Variants in TTC17 observed in about 807,000 individuals in gnomAD.
TTC17 encodes tetratricopeptide repeat protein 17.
TTC17 carries 58 observed loss-of-function variants against 143.8 expected under a neutral mutation model. The observed-to-expected ratio is 0.40, with a 90% confidence interval of 0.33 to 0.50. The LOEUF is 0.50. Ranked by LOEUF, TTC17 falls within the 20% of genes least tolerant of loss-of-function variation. TTC17 has a pLI of 0.49. For synonymous variants in TTC17, 501 were observed against 497.8 expected (o/e 1.01, Z -0.09); for missense variants, 1,273 against 1,392.5 (o/e 0.91, Z 1.37).
intron 18 of TTC17, among the ~76,000 whole-genome samples, chr11:43,444,798 GCAAT>G (rs1947504840): frequency 6.6e-6 from 1 of 151,140 alleles, no homozygotes; most frequent in Admixed American, 6.6e-5. Flanking sequence ...AACCTCATCA[GCAAT>G]CAGAGGAGCG....
At chr11:43,450,298 G>GAT in intron 20 of TTC17, 57 bp downstream of exon 20, 2 of 1,536,828 alleles carry the variant, frequency 1.3e-6, no homozygotes, top group Non-Finnish European at 1.8e-6. Context: ...GATGCACATT[G>GAT]ATACTACATA....
chr11:43,404,297 TGCTAGGTAGTGA>T (rs1156480863), intron 11 of TTC17, among the ~76,000 whole-genome samples, 153 bp downstream of exon 11: 1 of 152,216 alleles, frequency 6.6e-6, no homozygotes, highest in Non-Finnish European at 1.5e-5. Flanking sequence ...GAAGCTATTC[TGCTAGGTAGTGA>T]ATGAGTAAGA....
chr11:43,394,178 G>A (rs922978144), intron 5 of TTC17, among the ~76,000 whole-genome samples: 1 of 152,162 alleles, frequency 6.6e-6, no homozygotes, highest in African/African-American at 2.4e-5. Context: ...GCCAAATTCA[G>A]GCCAATATTG....
intron 16 of TTC17, among the ~76,000 whole-genome samples, chr11:43,426,948 T>G (rs1947043060): frequency 6.6e-6 from 1 of 152,208 alleles, no homozygotes; most frequent in Non-Finnish European, 1.5e-5. Flanking sequence ...TAAAGAGTTG[T>G]GTAATGTACA....
chr11:43,375,898 A>G (rs564030946), intron 1 of TTC17, among the ~76,000 whole-genome samples: 4 of 152,318 alleles, frequency 2.6e-5, no homozygotes, highest in African/African-American at 9.6e-5. Context: ...TTTCCATGTT[A>G]CCATGTGAAC....
chr11:43,409,834 C>T (rs571325331), intron 15 of TTC17, among the ~76,000 whole-genome samples: 2 of 151,762 alleles, frequency 1.3e-5, no homozygotes, highest in South Asian at 2.1e-4. Flanking sequence ...TTTCTTTTTT[C>T]CTTTTTTCTT....
intron 15 of TTC17, among the ~76,000 whole-genome samples, chr11:43,413,025 C>CAA (rs1946690730): frequency 9.2e-6 from 1 of 108,906 alleles, no homozygotes; most frequent in Admixed American, 8.8e-5. Context: ...CACACACACA[C>CAA]ACAAATGGGG....
At chr11:43,397,059 T>G (rs1857623463) in intron 6 of TTC17, 4 of 471,490 alleles carry the variant, frequency 8.5e-6, no homozygotes, top group East Asian at 3.0e-5. Flanking sequence ...TGCCCTATGA[T>G]TCACATGATA....
chr11:43,386,490 C>T (rs1050087711), intron 2 of TTC17, among the ~76,000 whole-genome samples: 2 of 152,108 alleles, frequency 1.3e-5, no homozygotes, highest in Non-Finnish European at 2.9e-5. Context: ...GCTGGGGTCC[C>T]TTGTTAACCA....
At chr11:43,374,803 T>G (rs1481179784) in intron 1 of TTC17, among the ~76,000 whole-genome samples, 2 of 150,638 alleles carry the variant, frequency 1.3e-5, no homozygotes, top group African/African-American at 4.9e-5. Flanking sequence ...GGAAGTCTTA[T>G]ACACAGTTGA....
intron 15 of TTC17, among the ~76,000 whole-genome samples, chr11:43,410,155 G>A (rs781285790): frequency 3.3e-5 from 5 of 152,070 alleles, no homozygotes; most frequent in African/African-American, 7.2e-5. Flanking sequence ...GCCCAACCTT[G>A]TAATTGTATT....
At chr11:43,400,649 C>T (rs945832267) in intron 9 of TTC17, among the ~76,000 whole-genome samples, 1 of 152,178 alleles carries the variant, frequency 6.6e-6, no homozygotes, top group Admixed American at 6.5e-5. Context: ...GTTCTGAAAT[C>T]CTCTCCAAAA....
At chr11:43,379,399 A>G in intron 2 of TTC17, 77 bp downstream of exon 2, 1 of 1,334,806 alleles carries the variant, frequency 7.5e-7, no homozygotes, top group Non-Finnish European at 1.0e-6. Context: ...AAGAAAAGCT[A>G]AAGCATATTA....
chr11:43,391,359 A>T, intron 3 of TTC17, 106 bp from the exon 4 acceptor site: 1 of 730,048 alleles, frequency 1.4e-6, no homozygotes, highest in Non-Finnish European at 2.3e-6. Flanking sequence ...TGATCATGCC[A>T]CTGCACTCCA....
chr11:43,399,522 G>GC (rs1447601191), intron 8 of TTC17, among the ~76,000 whole-genome samples: 1 of 151,962 alleles, frequency 6.6e-6, no homozygotes, highest in Non-Finnish European at 1.5e-5. Context: ...AACTAAATTA[G>GC]CCAGGCATGG....
At chr11:43,397,540 T>TC (rs1857649557) in intron 7 of TTC17, 49 bp downstream of exon 7, 1 of 1,264,766 alleles carries the variant, frequency 7.9e-7, no homozygotes, top group African/African-American at 1.5e-5. Flanking sequence ...CCACTTTCTT[T>TC]TTTTTTTTTT....
intron 21 of TTC17, among the ~76,000 whole-genome samples, chr11:43,469,368 G>C (rs1204734891): frequency 1.3e-5 from 2 of 152,048 alleles, no homozygotes; most frequent in Non-Finnish European, 2.9e-5. Context: ...TGCTAGAAAT[G>C]TATCAAAGAG....
At position 43,493,907 on chromosome 11, in the gene TTC17, C is replaced by T. The variant is rs368177726; in HGVS notation, c.*3C>T. Reference sequence around the variant, plus strand: ...AGAAGGGACGGCGCTCTCCTTAGTGCACTTCTTCCTTCTCTCTTTCTCTTT... The same window carrying T: ...AGAAGGGACGGCGCTCTCCTTAGTGTACTTCTTCCTTCTCTCTTTCTCTTT... On this transcript the variant is annotated 3_prime_UTR_variant, in exon 24 of 24. Coordinates refer to ENST00000039989, the MANE Select transcript of TTC17 (RefSeq NM_018259.6). 1.3e-6 allele frequency: 2 copies of T among 1,583,528 alleles called. No homozygotes were observed. The highest frequency in any genetic ancestry group is 1.8e-5 in the Admixed American group (1 of 55,566).
chr11:43,426,387 A>T (rs1248596846), intron 16 of TTC17, among the ~76,000 whole-genome samples: 1 of 152,210 alleles, frequency 6.6e-6, no homozygotes, highest in African/African-American at 2.4e-5. Context: ...ACATAATATC[A>T]TCATGTGCTT....
Sources: gnomAD v4.1 joint callset for allele counts (sites outside exome capture counted in the v4.1 genomes callset) on GRCh38, gnomAD v4.1.1 for gene constraint, MANE v1.5 for transcripts, NCBI Gene and HGNC (gene_info 2026-07-23, HGNC 2026-07-21) for gene names.